Variants in CDH18 observed in about 807,000 individuals in gnomAD.
CDH18 encodes cadherin-18.
CDH18 carries 31 observed loss-of-function variants against 67.9 expected under a neutral mutation model. The ratio of observed to expected loss-of-function variants is 0.46; its 90% confidence interval spans 0.34 to 0.62. The LOEUF (loss-of-function observed/expected upper bound fraction) is 0.62, where lower values mean the gene tolerates loss of function less well. CDH18 is among the 20% of genes least tolerant of loss of function. The pLI is 0.01. For missense variants in CDH18, 890 were observed against 975.5 expected (o/e 0.91, Z 1.17); for synonymous variants, 362 against 347.2 (o/e 1.04, Z -0.48).
chr5:19,561,516 G>A (rs956905267), intron 8 of CDH18, among the ~76,000 whole-genome samples: 1 of 152,108 alleles, frequency 6.6e-6, no homozygotes, highest in Non-Finnish European at 1.5e-5. Context: ...GGGAAAGGGT[G>A]TGAGGGTGAG....
intron 5 of CDH18, among the ~76,000 whole-genome samples, chr5:19,619,097 T>G (rs1009275495): frequency 2.6e-5 from 4 of 152,162 alleles, no homozygotes; most frequent in South Asian, 2.1e-4. Context: ...TAATGCATCT[T>G]CCATAAATTC....
intron 1 of CDH18, among the ~76,000 whole-genome samples, chr5:20,390,372 A>C: frequency 6.6e-6 from 1 of 152,204 alleles, no homozygotes; most frequent in South Asian, 2.1e-4. Flanking sequence ...ATGCAGCCAA[A>C]AGACACATGA....
chr5:19,741,259 A>G, intron 4 of CDH18, among the ~76,000 whole-genome samples: 1 of 34,050 alleles, frequency 2.9e-5, no homozygotes, highest in Non-Finnish European at 1.6e-4. Flanking sequence ...GTATATATGT[A>G]TACATATATA....
At chr5:19,746,881 A>G in intron 4 of CDH18, 61 bp downstream of exon 4, 2 of 1,395,520 alleles carry the variant, frequency 1.4e-6, no homozygotes, top group South Asian at 1.3e-5. Flanking sequence ...GGTATTCTAA[A>G]GATGACTTTT....
chr5:20,514,072 A>G, intron 1 of CDH18, among the ~76,000 whole-genome samples: 1 of 152,168 alleles, frequency 6.6e-6, no homozygotes, highest in East Asian at 1.9e-4. Flanking sequence ...TAAGGTAGGT[A>G]GAAAAAACAG....
At chr5:19,729,714 A>C (rs191633182) in intron 4 of CDH18, among the ~76,000 whole-genome samples, 3 of 152,316 alleles carry the variant, frequency 2.0e-5, no homozygotes, top group East Asian at 3.9e-4. Context: ...GCCCTGTAGA[A>C]TGCTCATAAT....
chr5:19,613,668 T>A (rs2150115799), intron 5 of CDH18, among the ~76,000 whole-genome samples: 1 of 152,258 alleles, frequency 6.6e-6, no homozygotes, highest in East Asian at 1.9e-4. Flanking sequence ...CACCTCTACA[T>A]ACATAAATTT....
At chr5:19,904,978 G>C (rs1790381215) in intron 2 of CDH18, among the ~76,000 whole-genome samples, 1 of 152,094 alleles carries the variant, frequency 6.6e-6, no homozygotes, top group Admixed American at 6.6e-5. Flanking sequence ...GGATTTATGA[G>C]GATCTTGTAA....
At chr5:19,987,610 T>A (rs1335603132) in intron 1 of CDH18, among the ~76,000 whole-genome samples, 1 of 151,900 alleles carries the variant, frequency 6.6e-6, no homozygotes, top group Non-Finnish European at 1.5e-5. Flanking sequence ...ATCACGTAAT[T>A]TTAGAGGATA....
At chr5:20,331,705 C>A (rs531970229) in intron 1 of CDH18, among the ~76,000 whole-genome samples, 1 of 152,094 alleles carries the variant, frequency 6.6e-6, no homozygotes, top group East Asian at 1.9e-4. Flanking sequence ...CCTCCTCCCC[C>A]CAGCTGGAGG....
At chr5:19,997,659 T>C (rs1411601221) in intron 2 of CDH18, among the ~76,000 whole-genome samples, 1 of 152,136 alleles carries the variant, frequency 6.6e-6, no homozygotes, top group Non-Finnish European at 1.5e-5. Flanking sequence ...AAGTTTTCTA[T>C]CCCAGCATTT....
chr5:20,288,111 A>T (rs2940442), intron 1 of CDH18, among the ~76,000 whole-genome samples: 17,679 of 151,608 alleles, frequency 0.12, 1,574 homozygotes, highest in African/African-American at 0.24. Flanking sequence ...ATGCCATGCA[A>T]CCTACATAGA....
intron 1 of CDH18, among the ~76,000 whole-genome samples, chr5:20,523,665 C>T (rs1038997690): frequency 5.9e-5 from 9 of 152,080 alleles, no homozygotes; most frequent in African/African-American, 2.2e-4. Context: ...CTCAGCCTCC[C>T]AAGTAGCTGG....
intron 1 of CDH18, among the ~76,000 whole-genome samples, chr5:20,328,448 T>A (rs1024466016): frequency 2.7e-5 from 4 of 150,774 alleles, no homozygotes; most frequent in Non-Finnish European, 5.9e-5. Flanking sequence ...CGGGTTGTGC[T>A]TTATTGAGGT....
intron 11 of CDH18, among the ~76,000 whole-genome samples, chr5:19,500,569 C>A (rs1743066764): frequency 6.6e-6 from 1 of 152,062 alleles, no homozygotes; most frequent in African/African-American, 2.4e-5. Flanking sequence ...TAAATTATTT[C>A]TGTGTTATTT....
chr5:20,037,743 A>G (rs530597992), intron 2 of CDH18, among the ~76,000 whole-genome samples: 2 of 152,248 alleles, frequency 1.3e-5, no homozygotes, highest in African/African-American at 2.4e-5. Context: ...TGCCAACAGG[A>G]GAAAGTGGGA....
At chr5:19,581,090 C>G (rs959200311) in intron 7 of CDH18, among the ~76,000 whole-genome samples, 9 of 151,892 alleles carry the variant, frequency 5.9e-5, no homozygotes, top group Non-Finnish European at 1.3e-4. Flanking sequence ...TGTTTATCTT[C>G]TCAGCCCTTG....
chr5:20,219,839 A>T (rs1343579749), intron 2 of CDH18, among the ~76,000 whole-genome samples: 1 of 151,928 alleles, frequency 6.6e-6, no homozygotes, highest in Non-Finnish European at 1.5e-5. Flanking sequence ...ACACAATAAA[A>T]GTCACATATG....
intron 2 of CDH18, among the ~76,000 whole-genome samples, chr5:20,134,709 T>G (rs1749554223): frequency 6.6e-6 from 1 of 152,086 alleles, no homozygotes; most frequent in African/African-American, 2.4e-5. Context: ...TCTATTATCT[T>G]TGTGTTTTGT....
Sources: allele counts gnomAD v4.1 joint callset (sites outside exome capture counted in the v4.1 genomes callset), GRCh38; gene constraint gnomAD v4.1.1; transcripts MANE v1.5; gene names NCBI Gene and HGNC (gene_info 2026-07-23, HGNC 2026-07-21).